Variants in NDST4 observed in about 807,000 individuals in gnomAD.
NDST4 encodes N-heparan sulfate sulfotransferase 4.
In NDST4, 63 loss-of-function variants were observed where a neutral mutation model predicts 100.8. The observed-to-expected ratio is 0.62, with a 90% CI of 0.51 to 0.77. The LOEUF (loss-of-function observed/expected upper bound fraction) is 0.77, where lower values mean the gene tolerates loss of function less well. NDST4 is among the 30% of genes least tolerant of loss of function. NDST4 has a pLI of 0.00. For synonymous variants in NDST4, 377 were observed against 361.8 expected (o/e 1.04, Z -0.48); for missense variants, 943 against 1,018.4 (o/e 0.93, Z 1.01).
At chr4:114,937,894 G>T (rs944580921) in intron 4 of NDST4, among the ~76,000 whole-genome samples, 2 of 148,142 alleles carry the variant, frequency 1.4e-5, no homozygotes, top group Admixed American at 6.7e-5. Flanking sequence ...TGTGTGGCGG[G>T]GGGCGGGTAT....
rs538565690 is a variant in NDST4 at position 115,096,775 on chromosome 4, C to T, written c.-247+16669G>A. Among the ~76,000 whole-genome samples, 7 of 152,196 alleles carry T rather than the reference C, an allele frequency of 4.6e-5. No homozygotes were observed. The East Asian group carries it at 1.3e-3, about 29-fold the overall frequency. On this transcript the variant is annotated intron_variant, in intron 1 of 13. Coordinates refer to ENST00000264363, the MANE Select transcript of NDST4 (RefSeq NM_022569.3). ...GATTCACTTACTTCACAATCTATCGCTATATTTTGTTCCTGTCTACAGCAA... is the reference window on the plus strand; with the variant it reads ...GATTCACTTACTTCACAATCTATCGTTATATTTTGTTCCTGTCTACAGCAA...
intron 9 of NDST4, among the ~76,000 whole-genome samples, chr4:114,846,294 T>G (rs1723548766): frequency 6.6e-6 from 1 of 152,138 alleles, no homozygotes. Flanking sequence ...AAACTCCAAT[T>G]CCAGAAATAC....
chr4:114,902,071 CTAAATACT>C (rs1724853353), intron 6 of NDST4, among the ~76,000 whole-genome samples: 1 of 151,958 alleles, frequency 6.6e-6, no homozygotes, highest in Middle Eastern at 3.2e-3. Context: ...ACATATATGA[CTAAATACT>C]TTGTTGCTAT....
At chr4:114,873,252 A>C (rs926896244) in intron 6 of NDST4, among the ~76,000 whole-genome samples, 5 of 151,630 alleles carry the variant, frequency 3.3e-5, no homozygotes, top group Non-Finnish European at 7.4e-5. Context: ...GATATTTTAA[A>C]AATATTATTT....
At chr4:115,067,054 T>G (rs897361469) in intron 2 of NDST4, among the ~76,000 whole-genome samples, 2 of 152,206 alleles carry the variant, frequency 1.3e-5, no homozygotes, top group Admixed American at 6.5e-5. Context: ...TCGAATATCT[T>G]GGATAAATGC....
At chr4:114,871,835 G>A (rs72679789) in intron 6 of NDST4, among the ~76,000 whole-genome samples, 11,550 of 151,776 alleles carry the variant, frequency 0.076, 511 homozygotes, top group East Asian at 0.13. Flanking sequence ...ACTATTTACT[G>A]TATTGATCTG....
intron 6 of NDST4, among the ~76,000 whole-genome samples, chr4:114,920,460 G>C (rs1725264872): frequency 6.6e-6 from 1 of 152,094 alleles, no homozygotes; most frequent in Admixed American, 6.6e-5. Context: ...AGTTTAAGTG[G>C]ATATAATAAC....
At chr4:115,097,750 A>G (rs1304152498) in intron 1 of NDST4, among the ~76,000 whole-genome samples, 1 of 152,076 alleles carries the variant, frequency 6.6e-6, no homozygotes, top group South Asian at 2.1e-4. Context: ...ATCGGCCCTA[A>G]TTTTACTTAG....
At chr4:114,938,683 T>A (rs1380592976) in intron 4 of NDST4, among the ~76,000 whole-genome samples, 1 of 152,218 alleles carries the variant, frequency 6.6e-6, no homozygotes, top group Non-Finnish European at 1.5e-5. Flanking sequence ...AATAAGCAAG[T>A]AGTGAATGGA....
intron 4 of NDST4, among the ~76,000 whole-genome samples, chr4:114,938,520 A>G (rs1460971798): frequency 1.3e-5 from 2 of 152,204 alleles, no homozygotes; most frequent in Non-Finnish European, 2.9e-5. Flanking sequence ...GTAGGATTGA[A>G]TCTCATCAAT....
chr4:115,092,923 G>T (rs970333410), intron 1 of NDST4, among the ~76,000 whole-genome samples: 23 of 152,074 alleles, frequency 1.5e-4, no homozygotes, highest in African/African-American at 5.6e-4. Context: ...CAGATTGACT[G>T]AAAAAATCCA....
intron 2 of NDST4, among the ~76,000 whole-genome samples, chr4:114,978,708 T>A (rs182110157): frequency 1.3e-5 from 2 of 152,220 alleles, no homozygotes; most frequent in African/African-American, 2.4e-5. Context: ...TTCTGGCTTT[T>A]TTTTTGGCTG....
rs146529660 is a variant in NDST4, at chr4:114,850,965, C to T, written c.1816+1760G>A. Among the ~76,000 whole-genome samples the T allele has an allele frequency of 3.6e-3, 544 of 152,280 alleles. 3 individuals are homozygous for T. The highest frequency in any genetic ancestry group is 0.013 in the African/African-American group (528 of 41,544). On this transcript the variant is annotated intron_variant, in intron 8 of 13. Transcript: ENST00000264363. The stretch of plus-strand genomic sequence containing the variant: ...CTCTGCCTATTTCTCTTCTCCCCTT[C>T]CTCATTCCCTGACCGACTTTCAGCC...
intron 2 of NDST4, among the ~76,000 whole-genome samples, chr4:114,983,164 T>G (rs970118869): frequency 6.6e-6 from 1 of 152,164 alleles, no homozygotes; most frequent in African/African-American, 2.4e-5. Flanking sequence ...AAATGTGGGG[T>G]TGGAACACCC....
chr4:114,962,583 A>G (rs1412559514), intron 4 of NDST4, among the ~76,000 whole-genome samples: 2 of 152,070 alleles, frequency 1.3e-5, no homozygotes, highest in Non-Finnish European at 2.9e-5. Flanking sequence ...AGATTAAAAT[A>G]CTTAGGATTG....
chr4:114,980,897 A>G (rs1419051093), intron 2 of NDST4, among the ~76,000 whole-genome samples: 1 of 152,132 alleles, frequency 6.6e-6, no homozygotes, highest in African/African-American at 2.4e-5. Flanking sequence ...ATAGTCTCCT[A>G]ATAAATTTCT....
chr4:114,952,779 GA>G (rs1726045494), intron 4 of NDST4, among the ~76,000 whole-genome samples: 1 of 151,968 alleles, frequency 6.6e-6, no homozygotes, highest in Non-Finnish European at 1.5e-5. Context: ...TAAAGAAAGA[GA>G]AATAGAAAAT....
At chr4:114,889,977 G>A (rs1724559574) in intron 6 of NDST4, among the ~76,000 whole-genome samples, 1 of 152,000 alleles carries the variant, frequency 6.6e-6, no homozygotes, top group Non-Finnish European at 1.5e-5. Flanking sequence ...GACAAAGTTG[G>A]GCCTGAAAAA....
chr4:114,982,878 G>A (rs1726809120), intron 2 of NDST4, among the ~76,000 whole-genome samples: 2 of 152,270 alleles, frequency 1.3e-5, no homozygotes, highest in South Asian at 4.1e-4. Context: ...GTGCAGCCTA[G>A]GGATATGGTG....
Sources: allele counts gnomAD v4.1 joint callset (sites outside exome capture counted in the v4.1 genomes callset), GRCh38; gene constraint gnomAD v4.1.1; transcripts MANE v1.5; gene names NCBI Gene and HGNC (gene_info 2026-07-23, HGNC 2026-07-21).